The following USP6 variants were observed in gnomAD, a reference collection of about 807,000 sequenced individuals.
USP6 encodes ubiquitin specific peptidase 6, also known as ubiquitin carboxyl-terminal hydrolase 6.
Under a neutral mutation model 175.7 loss-of-function variants are expected in USP6, and 128 were observed. That is an observed-to-expected ratio of 0.73 (90% CI 0.63 to 0.84). The LOEUF is 0.84. Ranked by LOEUF, USP6 falls within the 40% of genes least tolerant of loss-of-function variation. The pLI is 0.00. For missense variants in USP6, 1,498 were observed against 1,760.3 expected, an observed-to-expected ratio of 0.85 and a Z score of 2.67; for synonymous variants, 562 against 630.6, an observed-to-expected ratio of 0.89 and a Z score of 1.63.
intron 33 of USP6, among the ~76,000 whole-genome samples, chr17:5,167,561 G>C (rs541418080): frequency 6.6e-6 from 1 of 152,078 alleles, no homozygotes; most frequent in Non-Finnish European, 1.5e-5. Flanking sequence ...ATCCGGGCTG[G>C]AGTGCAGTGG....
In USP6 at chr17:5,129,964, A is replaced by G; in HGVS notation, c.-127A>G. On this transcript the variant is annotated 5_prime_UTR_variant, in exon 9 of 38. Coordinates refer to ENST00000574788, the MANE Select transcript of USP6 (RefSeq NM_001304284.2). ...ACTGGGCATCTCTGTGGCCCTGAAC[A>G]TCCCAGGAGGCCGATCGTACAGAGA... 1 of 243,500 alleles carries G rather than the reference A, an allele frequency of 4.1e-6. No individual in the cohort carries two copies. Among genetic ancestry groups the G allele is most frequent in the Non-Finnish European group, 8.1e-6 (1 of 123,858 alleles). The allele number at this position is 243,500 out of a possible 1,614,324, so 15.1% of individuals were successfully genotyped here.
intron 13 of USP6, 126 bp from the exon 14 acceptor site, chr17:5,133,317 C>G: frequency 9.1e-7 from 1 of 1,093,720 alleles, no homozygotes; most frequent in Non-Finnish European, 1.4e-6. Flanking sequence ...AGACCCTGTC[C>G]CAGCTTGATC....
Position 5,132,486 on chromosome 17 carries a change from G to A in USP6, c.195+51G>A, listed in dbSNP as rs769393600. On this transcript the variant is annotated intron_variant, in intron 12 of 37. Coordinates refer to ENST00000574788, the MANE Select transcript of USP6 (RefSeq NM_001304284.2). This position sits in a 1 kb window ranked among gnomAD's most constrained non-coding sequence, Gnocchi z 4.7. ...TGGTCCAGGGACGTAGGGACTGGGC[G>A]GGTGGTCAGTGAGGCAGAGGAAGCA... 5.4e-5 allele frequency: 87 copies of A among 1,611,888 alleles called. No homozygotes were observed. The South Asian group carries it at 6.2e-4, about 11-fold the overall frequency.
chr17:5,141,641 A>T (rs2073450820), intron 23 of USP6, 142 bp downstream of exon 23: 1 of 729,878 alleles, frequency 1.4e-6, no homozygotes, highest in Non-Finnish European at 2.1e-6. Context: ...CTGAAGCAGC[A>T]TTTGATGTTG....
chr17:5,166,947 T>C (rs985595013), intron 33 of USP6, among the ~76,000 whole-genome samples: 3 of 152,134 alleles, frequency 2.0e-5, no homozygotes, highest in Admixed American at 6.5e-5. Flanking sequence ...CCCAAAGGTT[T>C]GGGTGGGTAT....
At chr17:5,159,189 G>C (rs189221307) in intron 31 of USP6, among the ~76,000 whole-genome samples, 99 of 152,230 alleles carry the variant, frequency 6.5e-4, no homozygotes, top group Non-Finnish European at 1.1e-3. Flanking sequence ...GTTTCTCTTG[G>C]GTGAAAGAAT....
Position 5,132,076 on chromosome 17 carries a change from G to A in USP6, c.156-320G>A. The A allele has an allele frequency of 1.1e-6, 1 of 947,104 alleles. No individual in the cohort carries two copies. The highest frequency in any genetic ancestry group is 1.7e-5 in the South Asian group (1 of 59,752). 58.7% of individuals were successfully genotyped at this position (947,104 alleles called of 1,614,324 possible). On this transcript the variant is annotated intron_variant, in intron 11 of 37. Coordinates refer to ENST00000574788, the MANE Select transcript of USP6 (RefSeq NM_001304284.2). This position sits in a 1 kb window ranked among gnomAD's most constrained non-coding sequence, Gnocchi z 4.7. ...CTGGGTGGCCCCCATCCCATCTCAG[G>A]GCTAACCTTTCTCAGCTCCAGCAGA...
chr17:5,125,190 T>G lies in USP6; in HGVS notation c.-674T>G, dbSNP rs2072847328. The G allele has an allele frequency of 6.5e-6, 1 of 154,286 alleles. No individual in the cohort carries two copies. The highest frequency in any genetic ancestry group is 1.4e-5 in the Non-Finnish European group (1 of 69,692). 9.6% of individuals were successfully genotyped at this position (154,286 alleles called of 1,614,324 possible). ...CTTATGAGAACCTAATGCCTGATGATCTGTGACTGTCTCATCACTGCCAGA... is the reference window on the plus strand; with the variant it reads ...CTTATGAGAACCTAATGCCTGATGAGCTGTGACTGTCTCATCACTGCCAGA... On this transcript the variant is annotated 5_prime_UTR_variant, in exon 5 of 38. Coordinates refer to ENST00000574788, the MANE Select transcript of USP6 (RefSeq NM_001304284.2).
At chr17:5,138,945 A>G in intron 21 of USP6, 1 of 1,372,278 alleles carries the variant, frequency 7.3e-7, no homozygotes, top group Non-Finnish European at 9.8e-7. Context: ...CTCCCACTTG[A>G]GTTCTGATGG....
intron 25 of USP6, among the ~76,000 whole-genome samples, chr17:5,143,185 C>G (rs1345949791): frequency 1.3e-5 from 2 of 152,114 alleles, no homozygotes. Flanking sequence ...TGAGGGGCGC[C>G]TCTGCCTGGC....
chr17:5,154,518 CCTTA>C (rs1252169385), intron 30 of USP6, among the ~76,000 whole-genome samples: 2 of 152,010 alleles, frequency 1.3e-5, no homozygotes, highest in African/African-American at 4.8e-5. Flanking sequence ...AAAATTTTTA[CCTTA>C]CTTTTATCCT....
At chr17:5,163,426 G>A (rs936365824) in intron 33 of USP6, among the ~76,000 whole-genome samples, 2 of 152,086 alleles carry the variant, frequency 1.3e-5, no homozygotes, top group African/African-American at 2.4e-5. Context: ...GAAGATCCTC[G>A]CTTTCTAACA....
chr17:5,162,004 C>T (rs139614275), intron 32 of USP6, among the ~76,000 whole-genome samples: 9,375 of 152,158 alleles, frequency 0.062, 358 homozygotes, highest in East Asian at 0.15. Context: ...AAGAGTGAAA[C>T]TCTGTCTCAA....
intron 28 of USP6, among the ~76,000 whole-genome samples, chr17:5,146,596 A>G (rs553987426): frequency 2.0e-5 from 3 of 152,294 alleles, no homozygotes; most frequent in Non-Finnish European, 4.4e-5. Context: ...TTAACACACT[A>G]AGAAATTAAG....
At chr17:5,119,342 T>C (rs745695206) in intron 2 of USP6, among the ~76,000 whole-genome samples, 8 of 152,218 alleles carry the variant, frequency 5.3e-5, no homozygotes, top group Non-Finnish European at 1.2e-4. Context: ...AATTGGACAT[T>C]ACTACATTAG....
At chr17:5,169,975 G>GTAT (rs376552587) in intron 35 of USP6, among the ~76,000 whole-genome samples, 2,211 of 152,234 alleles carry the variant, frequency 0.015, 28 homozygotes, top group Non-Finnish European at 0.019. Context: ...AATTTTTAAA[G>GTAT]GTATAAAAGG....
At position 5,137,137 on chromosome 17, in the gene USP6, G is replaced by A; in HGVS notation, c.776G>A (p.Cys259Tyr). ...TMWHQDKEGL[C>Y]GQCASLGCLL... ...TCCCATCAGGACAAGGAAGGTCTAT[G>A]CGGGCAGTGTGCCTCGTTAGGCTGC... Residue 259 changes from cysteine to tyrosine, a missense_variant, in exon 19 of 38, where the codon TGC becomes TAC. Physicochemically the swap from Cys to Tyr is radical, Grantham distance 194. Coordinates refer to ENST00000574788, the MANE Select transcript of USP6 (RefSeq NM_001304284.2). 6.2e-7 allele frequency: 1 copy of A among 1,613,554 alleles called. No individual in the cohort carries two copies. Among genetic ancestry groups the A allele is most frequent in the East Asian group, 2.2e-5 (1 of 44,868 alleles).
At chr17:5,136,243 C>A (rs1287193120) in intron 17 of USP6, among the ~76,000 whole-genome samples, 1 of 152,248 alleles carries the variant, frequency 6.6e-6, no homozygotes, top group Non-Finnish European at 1.5e-5. Context: ...TGCCCTCCAG[C>A]TGCCTGGGCT....
intron 5 of USP6, 144 bp from the exon 6 acceptor site, chr17:5,125,677 T>TGCGCGC (rs1491196378): frequency 1.8e-4 from 18 of 99,830 alleles, no homozygotes; most frequent in African/African-American, 5.8e-4. Context: ...CACACGCACA[T>TGCGCGC]GCACACACAC....
Sources: allele counts gnomAD v4.1 joint callset (sites outside exome capture counted in the v4.1 genomes callset), GRCh38; gene constraint gnomAD v4.1.1; non-coding constraint Gnocchi (gnomAD v3.1); transcripts MANE v1.5; gene names NCBI Gene and HGNC (gene_info 2026-07-23, HGNC 2026-07-21).